The following CCDC171 variants were observed in gnomAD, a reference collection of about 807,000 sequenced individuals.
CCDC171 encodes the protein coiled-coil domain containing 171, also known as coiled-coil domain-containing protein 171.
A neutral mutation model predicts 168.2 loss-of-function variants in CCDC171; 177 were observed. The observed-to-expected ratio is 1.05, with a 90% confidence interval of 0.93 to 1.19. The LOEUF (loss-of-function observed/expected upper bound fraction) is 1.19, where lower values mean the gene tolerates loss of function less well. CCDC171 is among the 50% of genes most tolerant of loss of function. The pLI is 0.00. For missense variants in CCDC171, 1,991 were observed against 1,539.0 expected, an observed-to-expected ratio of 1.29 and a Z score of -4.91; for synonymous variants, 687 against 540.8, an observed-to-expected ratio of 1.27 and a Z score of -3.75.
intron 18 of CCDC171, among the ~76,000 whole-genome samples, chr9:15,758,026 A>T (rs147466153): frequency 4.0e-3 from 612 of 152,250 alleles, no homozygotes; most frequent in African/African-American, 0.013. Flanking sequence ...TGGAAGGGAA[A>T]TGTGGGGTAG....
chr9:15,772,732 C>G (rs1279283480), intron 18 of CCDC171, among the ~76,000 whole-genome samples: 1 of 152,062 alleles, frequency 6.6e-6, no homozygotes, highest in African/African-American at 2.4e-5. Flanking sequence ...GTGATGAGAT[C>G]CTAGTTGTGT....
chr9:15,695,478 C>T (rs1181778433), intron 11 of CCDC171, 141 bp downstream of exon 11: 1 of 678,396 alleles, frequency 1.5e-6, no homozygotes, highest in African/African-American at 1.8e-5. Context: ...GTTCTCACAG[C>T]AGTCAGTTGG....
At chr9:15,755,532 G>C (rs772577018) in intron 18 of CCDC171, among the ~76,000 whole-genome samples, 1 of 152,132 alleles carries the variant, frequency 6.6e-6, no homozygotes, top group African/African-American at 2.4e-5. Flanking sequence ...ATCAGTACGC[G>C]TGAGTCAAAA....
intron 21 of CCDC171, among the ~76,000 whole-genome samples, chr9:15,836,600 C>T (rs1243624070): frequency 6.6e-6 from 1 of 152,196 alleles, no homozygotes; most frequent in Non-Finnish European, 1.5e-5. Context: ...ATCCGCCTGC[C>T]TCGGCCTCCC....
Position 15,744,442 on chromosome 9 carries a change from C to T in CCDC171, c.2219C>T (p.Pro740Leu), listed in dbSNP as rs187621500. The stretch of plus-strand genomic sequence containing the variant: ...GCATTAATGGCTGGTGCCTTATATC[C>T]CCTCTATAGCCGATCATGCGCCTTG... The part of the protein sequence containing the change: ...ACALMAGALY[P>L]LYSRSCALST... The change falls in exon 17 of 26, where the codon CCC becomes CTC. Residue 740 changes from proline (P) to leucine (L), a missense_variant. Physicochemically the swap from Pro to Leu is moderately conservative, Grantham distance 98 (BLOSUM62 -3). Transcript: ENST00000380701. 3.0e-5 allele frequency: 49 copies of T among 1,614,004 alleles called. No homozygotes were observed. In the Middle Eastern group the frequency reaches 5.0e-4, roughly 16 times the overall value.
intron 25 of CCDC171, among the ~76,000 whole-genome samples, chr9:15,964,339 T>G (rs1395023511): frequency 6.6e-6 from 1 of 152,236 alleles, no homozygotes; most frequent in Non-Finnish European, 1.5e-5. Context: ...TTTCAGACTT[T>G]CAGTGGCATT....
chr9:16,034,185 G>T (rs1833420872), intron 6 of CCDC171, among the ~76,000 whole-genome samples: 1 of 152,226 alleles, frequency 6.6e-6, no homozygotes, highest in South Asian at 2.1e-4. Context: ...TTCAGTCACT[G>T]GCTTTGGGTT....
intron 9 of CCDC171, among the ~76,000 whole-genome samples, chr9:15,669,189 A>T (rs918070500): frequency 2.0e-5 from 3 of 152,208 alleles, no homozygotes; most frequent in South Asian, 2.1e-4. Context: ...ACATTCCTAC[A>T]TGAAATTATT....
Position 15,963,439 on chromosome 9 carries a change from G to A in CCDC171, c.3754-8170G>A, listed in dbSNP as rs181423575. 6.9e-3 allele frequency among the ~76,000 whole-genome samples: 1,046 copies of A among 152,270 alleles called. 4 individuals are homozygous for A. The highest frequency in any genetic ancestry group is 0.01 in the Non-Finnish European group (698 of 68,004). On this transcript the variant is annotated intron_variant, in intron 25 of 25. Coordinates refer to ENST00000380701, the MANE Select transcript of CCDC171 (RefSeq NM_173550.4). ...ACCTTGGTGAACTCTTTTGAGTGTAGCCATAGAAGAAATGCCTAGCAGTGG... is the reference window on the plus strand; with the variant it reads ...ACCTTGGTGAACTCTTTTGAGTGTAACCATAGAAGAAATGCCTAGCAGTGG...
intron 25 of CCDC171, among the ~76,000 whole-genome samples, chr9:15,921,905 C>G (rs1241911337): frequency 6.6e-6 from 1 of 151,488 alleles, no homozygotes; most frequent in African/African-American, 2.4e-5. Context: ...ACTATTACTA[C>G]TTTTTACTGT....
chr9:15,928,346 T>C (rs1191495575), intron 25 of CCDC171, among the ~76,000 whole-genome samples: 1 of 151,098 alleles, frequency 6.6e-6, no homozygotes, highest in Non-Finnish European at 1.5e-5. Flanking sequence ...TACGTCGGAG[T>C]TGACATGAGA....
At chr9:15,944,196 T>G (rs1828036263) in intron 25 of CCDC171, among the ~76,000 whole-genome samples, 1 of 152,010 alleles carries the variant, frequency 6.6e-6, no homozygotes, top group African/African-American at 2.4e-5. Flanking sequence ...CATCATCTAG[T>G]TATTAAACCA....
chr9:15,810,485 C>T (rs1360844252), intron 21 of CCDC171, among the ~76,000 whole-genome samples: 1 of 149,742 alleles, frequency 6.7e-6, no homozygotes, highest in Non-Finnish European at 1.5e-5. Flanking sequence ...CACTTGGGGG[C>T]CCGCCATGGG....
chr9:15,945,988 T>G (rs1302622533), intron 25 of CCDC171, among the ~76,000 whole-genome samples: 2 of 151,576 alleles, frequency 1.3e-5, no homozygotes, highest in African/African-American at 2.4e-5. Context: ...TGCCTAGGTT[T>G]TCTTCTCTGG....
intron 12 of CCDC171, 113 bp from the exon 13 acceptor site, chr9:15,723,568 G>C (rs2053620524): frequency 1.0e-5 from 7 of 683,188 alleles, no homozygotes; most frequent in African/African-American, 1.9e-5. Flanking sequence ...TTGTATTTAA[G>C]TAATTGCATA....
At chr9:15,792,166 C>T (rs1371028208) in intron 21 of CCDC171, among the ~76,000 whole-genome samples, 9 of 152,154 alleles carry the variant, frequency 5.9e-5, no homozygotes, top group Non-Finnish European at 8.8e-5. Context: ...ACAAGAACTA[C>T]GTGATGAATG....
At chr9:16,103,957 G>T in the CCDC171 span, among the ~76,000 whole-genome samples, 2 of 152,168 alleles carry the variant, frequency 1.3e-5, no homozygotes, top group Admixed American at 6.5e-5. Flanking sequence ...AGCTCATAAG[G>T]TGGAAAAAGT....
At chr9:15,931,915 G>T (rs141176835) in intron 25 of CCDC171, among the ~76,000 whole-genome samples, 1 of 151,444 alleles carries the variant, frequency 6.6e-6, no homozygotes, top group East Asian at 1.9e-4. Flanking sequence ...CACCTTAGGT[G>T]TATGACTTTA....
intron 11 of CCDC171, among the ~76,000 whole-genome samples, chr9:15,696,591 C>T (rs1052209415): frequency 1.1e-4 from 16 of 152,184 alleles, no homozygotes; most frequent in Middle Eastern, 6.8e-3. Context: ...TGAGATGTAT[C>T]AGTGGTGTTT....
Sources: allele counts gnomAD v4.1 joint callset (sites outside exome capture counted in the v4.1 genomes callset), GRCh38; gene constraint gnomAD v4.1.1; transcripts MANE v1.5; gene names NCBI Gene and HGNC (gene_info 2026-07-23, HGNC 2026-07-21).